Variants in RNF38 observed in about 807,000 individuals in gnomAD.
The protein encoded by RNF38 is ring finger protein 38.
Under a neutral mutation model 67.2 loss-of-function variants are expected in RNF38, and 15 were observed. That is an observed-to-expected ratio of 0.22 (90% CI 0.15 to 0.34). RNF38 has a LOEUF of 0.34. RNF38 is among the 10% of genes least tolerant of loss of function. The pLI is 1.00. For missense variants in RNF38, 524 were observed against 639.9 expected, an observed-to-expected ratio of 0.82 and a Z score of 1.95; for synonymous variants, 220 against 218.8, an observed-to-expected ratio of 1.01 and a Z score of -0.05.
chr9:36,342,251 T>C (rs1038805651), intron 11 of RNF38, 74 bp downstream of exon 11: 7 of 1,046,832 alleles, frequency 6.7e-6, no homozygotes, highest in Non-Finnish European at 1.5e-6. Context: ...CACTGAGCTA[T>C]GAACTTACTC....
intron 1 of RNF38, among the ~76,000 whole-genome samples, chr9:36,432,358 C>T (rs767191219): frequency 1.7e-4 from 26 of 152,086 alleles, no homozygotes; most frequent in Non-Finnish European, 3.1e-4. Context: ...TGGTCTGGAA[C>T]ACCAGACCTC....
intron 3 of RNF38, 113 bp downstream of exon 3, chr9:36,375,821 T>C: frequency 1.1e-6 from 1 of 917,288 alleles, no homozygotes; most frequent in Non-Finnish European, 1.6e-6. Context: ...TGTACGTGTA[T>C]ATGTGGTGAT....
intron 4 of RNF38, 120 bp from the exon 5 acceptor site, chr9:36,358,062 C>G: frequency 2.7e-6 from 2 of 730,036 alleles, no homozygotes; most frequent in African/African-American, 1.7e-5. Context: ...TCACAATGTA[C>G]TCTCCAATAG....
intron 1 of RNF38, among the ~76,000 whole-genome samples, chr9:36,446,786 C>T (rs929571272): frequency 8.3e-6 from 1 of 120,552 alleles, no homozygotes; most frequent in Non-Finnish European, 1.6e-5. Context: ...TCAGCCTGGG[C>T]GACAGAGTGA....
At position 36,340,638 on chromosome 9, in the gene RNF38, T is replaced by C. The variant is rs540047342; in HGVS notation, c.1486-824A>G. Among the ~76,000 whole-genome samples the C allele has an allele frequency of 4.6e-5, 7 of 152,324 alleles. No individual in the cohort carries two copies. The East Asian group carries it at 1.4e-3, about 29-fold the overall frequency. On this transcript the variant is annotated intron_variant, in intron 11 of 11. Transcript: ENST00000259605. ...CCTCCTGCCTTTGCCTCCCAAAATG[T>C]TGGGATTACATGCCTGAGTCACCAT...
Position 36,363,490 on chromosome 9 carries a change from A to G in RNF38, c.571-5548T>C, listed in dbSNP as rs1293890070. The stretch of plus-strand genomic sequence containing the variant: ...TTTTAATTTTGGCCCTCAAAATGTC[A>G]TGTTTTCATTTGGTCACCCAACTGT... On this transcript the variant is annotated intron_variant, in intron 4 of 11. Coordinates refer to ENST00000259605, the MANE Select transcript of RNF38 (RefSeq NM_022781.5). Among the ~76,000 whole-genome samples, 4 of 100,694 alleles carry G rather than the reference A, an allele frequency of 4.0e-5. 1 individual carries two copies. Among genetic ancestry groups the G allele is most frequent in the African/African-American group, 1.2e-4 (4 of 33,544 alleles). 66.1% of individuals were successfully genotyped at this position (100,694 alleles called of 152,430 possible). A position where few individuals can be genotyped will look rare whatever the true frequency, so the allele number is the denominator to read the frequency against.
At chr9:36,364,756 G>T (rs1026074923) in intron 4 of RNF38, among the ~76,000 whole-genome samples, 1 of 152,180 alleles carries the variant, frequency 6.6e-6, no homozygotes, top group Non-Finnish European at 1.5e-5. Flanking sequence ...CACCTGGAGG[G>T]CATGGTAAAC....
At chr9:36,443,372 C>T (rs1289606790) in intron 1 of RNF38, among the ~76,000 whole-genome samples, 2 of 152,048 alleles carry the variant, frequency 1.3e-5, no homozygotes, top group Non-Finnish European at 2.9e-5. Flanking sequence ...GCATAAACCT[C>T]AAAGACCGAT....
chr9:36,462,529 T>G (rs1839757250), intron 1 of RNF38, among the ~76,000 whole-genome samples: 1 of 152,176 alleles, frequency 6.6e-6, no homozygotes, highest in Non-Finnish European at 1.5e-5. Context: ...GGTCACCATC[T>G]TACCTCTGAA....
chr9:36,435,037 C>A (rs1001830367), intron 1 of RNF38, among the ~76,000 whole-genome samples: 2 of 152,096 alleles, frequency 1.3e-5, no homozygotes, highest in South Asian at 4.1e-4. Context: ...GAAAAAGCTC[C>A]ACTATATACT....
In RNF38 at chr9:36,451,531, G is replaced by A. The variant is rs1468780434; in HGVS notation, n.242-26848C>T. Among the ~76,000 whole-genome samples, 3 of 71,052 alleles carry A rather than the reference G, an allele frequency of 4.2e-5. No homozygotes were observed. In the Admixed American group the frequency reaches 6.1e-4, roughly 15 times the overall value. The allele number at this position is 71,052 out of a possible 152,430, so 46.6% of individuals were successfully genotyped here. A position where few individuals can be genotyped will look rare whatever the true frequency, so the allele number is the denominator to read the frequency against. On this transcript the variant is annotated intron_variant and non_coding_transcript_variant, in intron 1 of 3. Coordinates refer to the RNF38 transcript ENST00000488058. ...TTTTTTTTTTTTGAGACGGAGTTTCGCTTTTGTTGCTCAGGCTGGAGTGCA... is the reference window on the plus strand; with the variant it reads ...TTTTTTTTTTTTGAGACGGAGTTTCACTTTTGTTGCTCAGGCTGGAGTGCA...
intron 1 of RNF38, among the ~76,000 whole-genome samples, chr9:36,454,351 A>T (rs1839532978): frequency 1.3e-5 from 2 of 152,046 alleles, no homozygotes. Context: ...CTGGTCTAGA[A>T]CTACTGACCT....
intron 2 of RNF38, among the ~76,000 whole-genome samples, chr9:36,380,261 A>C (rs988285743): frequency 1.3e-5 from 2 of 152,216 alleles, no homozygotes; most frequent in African/African-American, 4.8e-5. Flanking sequence ...GTGCAATGGC[A>C]GGATCTCGGC....
rs144108068 is a variant in RNF38 at position 36,399,536 on chromosome 9, T to C, written c.12+561A>G. The stretch of plus-strand genomic sequence containing the variant: ...ATATTATAAATAAATATATTATAAA[T>C]ATATATTTATAAACCCCAGAGAAAG... On this transcript the variant is annotated intron_variant, in intron 1 of 11. Transcript: ENST00000259605. Among the ~76,000 whole-genome samples, 1,001 of 148,464 alleles carry C rather than the reference T, an allele frequency of 6.7e-3. 9 individuals are homozygous for C. Among genetic ancestry groups the C allele is most frequent in the African/African-American group, 0.023 (956 of 40,864 alleles).
At chr9:36,486,933 C>G (rs1432591796) in intron 1 of RNF38, among the ~76,000 whole-genome samples, 1 of 152,160 alleles carries the variant, frequency 6.6e-6, no homozygotes, top group Non-Finnish European at 1.5e-5. Context: ...TCCCAGCCCC[C>G]TCTGCTCGGG....
intron 2 of RNF38, among the ~76,000 whole-genome samples, chr9:36,417,514 A>G (rs956124810): frequency 2.0e-5 from 3 of 151,948 alleles, no homozygotes; most frequent in African/African-American, 4.8e-5. Flanking sequence ...TACTTCCATC[A>G]CTTTTTTTGG....
At chr9:36,383,333 C>G (rs917847793) in intron 2 of RNF38, among the ~76,000 whole-genome samples, 116 of 152,268 alleles carry the variant, frequency 7.6e-4, no homozygotes, top group African/African-American at 2.7e-3. Flanking sequence ...TACCAAGTAG[C>G]TGGGACTACA....
At chr9:36,429,361 C>T (rs1479237989) in intron 1 of RNF38, among the ~76,000 whole-genome samples, 2 of 152,150 alleles carry the variant, frequency 1.3e-5, no homozygotes, top group Admixed American at 1.3e-4. Context: ...CCAGGACCCC[C>T]AGTGGATACC....
rs573036372 is a variant in RNF38 at position 36,411,969 on chromosome 9, C to T, written n.312+12644G>A. Among the ~76,000 whole-genome samples, 3 of 152,034 alleles carry T rather than the reference C, an allele frequency of 2.0e-5. No homozygotes were observed. In the South Asian group the frequency reaches 6.2e-4, roughly 32 times the overall value. ...CCTGCTAACTGAAATAAGCCAGTTA[C>T]AAAAAGAAAAACAGTGTATGATTCT... On this transcript the variant is annotated intron_variant and non_coding_transcript_variant, in intron 2 of 3. Transcript: ENST00000488058.
Sources: gnomAD v4.1 joint callset for allele counts (sites outside exome capture counted in the v4.1 genomes callset) on GRCh38, gnomAD v4.1.1 for gene constraint, MANE v1.5 for transcripts, NCBI Gene and HGNC (gene_info 2026-07-23, HGNC 2026-07-21) for gene names.